The following FRMPD1 variants were observed in gnomAD, a reference collection of about 807,000 sequenced individuals.
FRMPD1 encodes the protein FERM and PDZ domain containing 1, also known as FERM and PDZ domain-containing protein 1.
In FRMPD1, 76 loss-of-function variants were observed where a neutral mutation model predicts 117.8. The observed-to-expected ratio is 0.65, with a 90% confidence interval of 0.54 to 0.78. The LOEUF (loss-of-function observed/expected upper bound fraction) is 0.78, where lower values mean the gene tolerates loss of function less well. FRMPD1 is among the 30% of genes least tolerant of loss of function. The pLI is 0.00. For missense variants in FRMPD1, 1,786 were observed against 1,964.5 expected (o/e 0.91, Z 1.72); for synonymous variants, 783 against 770.4 (o/e 1.02, Z -0.27).
At chr9:37,675,759 A>G (rs1821507506) in intron 1 of FRMPD1, among the ~76,000 whole-genome samples, 1 of 152,218 alleles carries the variant, frequency 6.6e-6, no homozygotes, top group Admixed American at 6.5e-5. Flanking sequence ...CAGGGGCCTT[A>G]GAATCCTTCT....
At chr9:37,722,409 G>A (rs1471855549) in intron 6 of FRMPD1, among the ~76,000 whole-genome samples, 1 of 152,060 alleles carries the variant, frequency 6.6e-6, no homozygotes, top group Non-Finnish European at 1.5e-5. Context: ...ACTGGAAGTT[G>A]TTTGTTTGTT....
In FRMPD1 at chr9:37,745,233, T is replaced by C. The variant is rs780532615; in HGVS notation, c.3201T>C (p.Thr1067=). ...ESFCTNHIQE[T]APKYTEPLLS... ...TTTGTACAAATCATATACAAGAAAC[T>C]GCCCCCAAATACACAGAGCCTTTGT... Residue 1067 remains threonine, a synonymous_variant, in exon 16 of 16, where the codon ACT becomes ACC. Transcript: ENST00000377765. The C allele has an allele frequency of 1.2e-6, 2 of 1,612,844 alleles. No individual in the cohort carries two copies. The highest frequency in any genetic ancestry group is 4.5e-5 in the East Asian group (2 of 44,864).
chr9:37,667,800 A>T (rs1283122457), intron 1 of FRMPD1, among the ~76,000 whole-genome samples: 1 of 152,134 alleles, frequency 6.6e-6, no homozygotes, highest in Non-Finnish European at 1.5e-5. Context: ...TATCCAGAGT[A>T]TTCTTTGTCC....
the FRMPD1 span, among the ~76,000 whole-genome samples, chr9:37,643,984 C>T: frequency 0.031 from 4,754 of 152,286 alleles, 235 homozygotes; most frequent in African/African-American, 0.11. Context: ...TAATAGGAGC[C>T]AACATCCACT....
At chr9:37,623,439 A>AG in the FRMPD1 span, among the ~76,000 whole-genome samples, 1 of 152,246 alleles carries the variant, frequency 6.6e-6, no homozygotes, top group Non-Finnish European at 1.5e-5. Context: ...ATCTTCAGGC[A>AG]GGGGGCAGCC....
chr9:37,631,748 C>T, the FRMPD1 span, among the ~76,000 whole-genome samples: 144,702 of 152,172 alleles, frequency 0.95, 69,232 homozygotes, highest in East Asian at 1. Context: ...GGACTGCAGG[C>T]GCATGCCACC....
intron 2 of FRMPD1, among the ~76,000 whole-genome samples, chr9:37,704,019 C>T (rs1378307820): frequency 1.3e-5 from 2 of 152,196 alleles, no homozygotes; most frequent in Non-Finnish European, 2.9e-5. Flanking sequence ...CCGGTACATA[C>T]CCAGGAGTGC....
At chr9:37,707,328 T>C in intron 2 of FRMPD1, 88 bp from the exon 3 acceptor site, 4 of 1,080,938 alleles carry the variant, frequency 3.7e-6, no homozygotes, top group Non-Finnish European at 5.4e-6. Flanking sequence ...GTTCTGCATC[T>C]TTCTCCATGA....
intron 4 of FRMPD1, among the ~76,000 whole-genome samples, chr9:37,710,732 C>T (rs532125439): frequency 5.9e-5 from 9 of 151,932 alleles, no homozygotes; most frequent in Middle Eastern, 3.4e-3. Flanking sequence ...TTTGGGAGGC[C>T]GAGGTGGGCA....
At position 37,741,247 on chromosome 9, in the gene FRMPD1, C is replaced by A. The variant is rs75187285; in HGVS notation, c.2356+363C>A. Among the ~76,000 whole-genome samples the A allele has an allele frequency of 4.1e-3, 626 of 152,016 alleles. 1 individual carries two copies. The highest frequency in any genetic ancestry group is 0.014 in the African/African-American group (594 of 41,458). ...GCGAAGTGGCTATGTCATCACTGATCCTGAGGCTGCATTAAAGGAGGCCTT... is the reference window on the plus strand; with the variant it reads ...GCGAAGTGGCTATGTCATCACTGATACTGAGGCTGCATTAAAGGAGGCCTT... On this transcript the variant is annotated intron_variant, in intron 15 of 15. Transcript: ENST00000377765.
intron 7 of FRMPD1, among the ~76,000 whole-genome samples, chr9:37,724,822 C>T (rs948695132): frequency 6.6e-6 from 1 of 152,130 alleles, no homozygotes; most frequent in African/African-American, 2.4e-5. Flanking sequence ...TCTTCAGGAG[C>T]TTGCAGTCTA....
At chr9:37,659,916 A>T (rs1191820816) in intron 1 of FRMPD1, among the ~76,000 whole-genome samples, 24 of 24,084 alleles carry the variant, frequency 1.0e-3, no homozygotes. Context: ...TTCAAGCACT[A>T]AAAAAAAAAA....
chr9:37,679,961 GC>G (rs1328848693), intron 1 of FRMPD1, among the ~76,000 whole-genome samples: 20 of 152,188 alleles, frequency 1.3e-4, no homozygotes, highest in Non-Finnish European at 2.4e-4. Context: ...ACCAGTGTTG[GC>G]ATTGGTGTTC....
At chr9:37,739,421 A>C (rs980370385) in intron 14 of FRMPD1, among the ~76,000 whole-genome samples, 1 of 152,126 alleles carries the variant, frequency 6.6e-6, no homozygotes, top group African/African-American at 2.4e-5. Context: ...GGCTTACAGG[A>C]ATAAAGAGAT....
At chr9:37,692,865 A>G (rs1352034494) in intron 2 of FRMPD1, 123 bp downstream of exon 2, 2 of 741,656 alleles carry the variant, frequency 2.7e-6, no homozygotes, top group African/African-American at 1.7e-5. Flanking sequence ...CTTACACCAT[A>G]TGGTGGGAGC....
chr9:37,712,125 A>G (rs2118185506), intron 5 of FRMPD1, among the ~76,000 whole-genome samples: 2 of 152,344 alleles, frequency 1.3e-5, no homozygotes, highest in South Asian at 2.1e-4. Context: ...TTAATTGACC[A>G]CATACCAGGC....
upstream of FRMPD1, among the ~76,000 whole-genome samples, chr9:37,649,016 T>A (rs573678227): frequency 6.6e-6 from 1 of 152,056 alleles, no homozygotes; most frequent in East Asian, 1.9e-4. Context: ...AATGAGAATC[T>A]GAGGAGAGCG....
chr9:37,620,582 T>C, the FRMPD1 span, among the ~76,000 whole-genome samples: 1 of 152,280 alleles, frequency 6.6e-6, no homozygotes, highest in South Asian at 2.1e-4. Context: ...TGTTATATGA[T>C]ATTTCAGAAA....
the FRMPD1 span, among the ~76,000 whole-genome samples, chr9:37,616,609 A>C: frequency 6.6e-6 from 1 of 152,198 alleles, no homozygotes; most frequent in Non-Finnish European, 1.5e-5. Flanking sequence ...ACTGAGAAGA[A>C]ATATCACATA....
Sources: allele counts gnomAD v4.1 joint callset (sites outside exome capture counted in the v4.1 genomes callset), GRCh38; gene constraint gnomAD v4.1.1; transcripts MANE v1.5; gene names NCBI Gene and HGNC (gene_info 2026-07-23, HGNC 2026-07-21).